Variants in FMN1 observed in about 807,000 individuals in gnomAD.
The protein encoded by FMN1 is formin-1.
Under a neutral mutation model 132.4 loss-of-function variants are expected in FMN1, and 110 were observed. The ratio of observed to expected loss-of-function variants is 0.83; its 90% confidence interval spans 0.71 to 0.97. FMN1 has a LOEUF of 0.97. Among genes scored for constraint, FMN1 ranks in the 50% least tolerant of loss-of-function variants. The pLI is 0.00. For synonymous variants in FMN1, 722 were observed against 651.7 expected, an observed-to-expected ratio of 1.11 and a Z score of -1.64; for missense variants, 1,792 against 1,705.3, an observed-to-expected ratio of 1.05 and a Z score of -0.90.
intron 6 of FMN1, among the ~76,000 whole-genome samples, chr15:33,028,950 A>C (rs2035807926): frequency 6.6e-6 from 1 of 152,224 alleles, no homozygotes; most frequent in South Asian, 2.1e-4. Context: ...AAAACAGATA[A>C]ATTTGCCACC....
At chr15:32,828,517 T>TC (rs1169055417) in intron 17 of FMN1, among the ~76,000 whole-genome samples, 1 of 152,058 alleles carries the variant, frequency 6.6e-6, no homozygotes, top group South Asian at 2.1e-4. Context: ...TTTTTTTTTT[T>TC]CTCACTGGGT....
chr15:33,152,892 C>T (rs866109425), intron 4 of FMN1, among the ~76,000 whole-genome samples, 156 bp downstream of exon 4: 44 of 152,038 alleles, frequency 2.9e-4, no homozygotes, highest in African/African-American at 9.4e-4. Flanking sequence ...CTCCACACCC[C>T]GCTGTTCCAC....
At chr15:32,893,256 A>G (rs565490924) in intron 15 of FMN1, among the ~76,000 whole-genome samples, 1 of 152,364 alleles carries the variant, frequency 6.6e-6, no homozygotes, top group South Asian at 2.1e-4. Context: ...AGATGGAACA[A>G]CATCTAAGAT....
intron 6 of FMN1, among the ~76,000 whole-genome samples, chr15:33,048,818 T>C (rs1229458174): frequency 6.6e-6 from 1 of 151,910 alleles, no homozygotes; most frequent in Non-Finnish European, 1.5e-5. Flanking sequence ...AGACTTACTA[T>C]TATGAGAAGA....
intron 3 of FMN1, among the ~76,000 whole-genome samples, chr15:33,162,109 C>T (rs908896391): frequency 6.6e-5 from 10 of 152,000 alleles, no homozygotes; most frequent in Admixed American, 1.3e-4. Flanking sequence ...GCTTCTGGGC[C>T]CAGGCAATTC....
chr15:33,008,819 T>C (rs186892630), intron 6 of FMN1, among the ~76,000 whole-genome samples: 2 of 152,298 alleles, frequency 1.3e-5, no homozygotes, highest in East Asian at 1.9e-4. Context: ...CATGGAACTA[T>C]ACAGGCTGCA....
At chr15:33,101,988 C>T (rs1595473517) in intron 4 of FMN1, among the ~76,000 whole-genome samples, 2 of 152,156 alleles carry the variant, frequency 1.3e-5, no homozygotes, top group East Asian at 3.8e-4. Context: ...AAGACAAGTG[C>T]TACCCATCCT....
chr15:32,769,715 C>T lies in FMN1; in HGVS notation c.*4595G>A, dbSNP rs1258726. On this transcript the variant is annotated 3_prime_UTR_variant, in exon 21 of 21. Transcript: ENST00000616417. The stretch of plus-strand genomic sequence containing the variant: ...AAAATTATCCACTCTTTTCAAATCC[C>T]ATCAGCTTGGCCACACAGACTGGTT... 0.71 allele frequency: 108,254 copies of T among 152,140 alleles called. 39,856 individuals carry two copies. Among genetic ancestry groups the T allele is most frequent in the Non-Finnish European group, 0.8 (54,348 of 68,002 alleles). 9.4% of individuals were successfully genotyped at this position (152,140 alleles called of 1,614,324 possible).
intron 4 of FMN1, among the ~76,000 whole-genome samples, chr15:33,136,558 A>T (rs1214229035): frequency 6.6e-6 from 1 of 152,110 alleles, no homozygotes; most frequent in Non-Finnish European, 1.5e-5. Flanking sequence ...TGTTTTAGTT[A>T]TTTCCTCCTA....
intron 2 of FMN1, among the ~76,000 whole-genome samples, chr15:33,192,430 G>C (rs1392925881): frequency 6.6e-6 from 1 of 152,208 alleles, no homozygotes; most frequent in Non-Finnish European, 1.5e-5. Context: ...GGTCTAGGCA[G>C]GGTTAAGCCT....
chr15:33,019,458 C>T (rs1481310663), intron 6 of FMN1, among the ~76,000 whole-genome samples: 1 of 152,252 alleles, frequency 6.6e-6, no homozygotes, highest in Admixed American at 6.5e-5. Flanking sequence ...GCAGGTGGAG[C>T]TGCCTGCCAG....
rs144062481 is a variant in FMN1, at chr15:32,789,309, C to T, written c.4130+9495G>A. 5.6e-3 allele frequency among the ~76,000 whole-genome samples: 849 copies of T among 152,244 alleles called. 3 individuals are homozygous for T. Among genetic ancestry groups the T allele is most frequent in the Non-Finnish European group, 8.5e-3 (575 of 68,016 alleles). On this transcript the variant is annotated intron_variant, in intron 19 of 20. Transcript: ENST00000616417. ...GTAAACCCCCAAAATTCTGGAGATA[C>T]GATAGCTCACACAGATTGGAGAAAG...
chr15:32,913,870 G>A (rs1459436954), intron 10 of FMN1, among the ~76,000 whole-genome samples: 1 of 152,178 alleles, frequency 6.6e-6, no homozygotes, highest in African/African-American at 2.4e-5. Context: ...CCTGAAGACT[G>A]AGTCCTGCTG....
rs73372956 is a variant in FMN1, at chr15:32,965,756, C to T, written c.2988-1499G>A. ...CTTTTTATTTTTTAAATTATGATTT[C>T]GCCAATAGTTGAACCATGTAATAGT... is the stretch of plus-strand genomic sequence containing the variant. On this transcript the variant is annotated intron_variant, in intron 8 of 20. Transcript: ENST00000616417. Among the ~76,000 whole-genome samples, 365 of 152,170 alleles carry T rather than the reference C, an allele frequency of 2.4e-3. 2 individuals carry two copies. The highest frequency in any genetic ancestry group is 8.2e-3 in the African/African-American group (341 of 41,518).
chr15:32,834,415 C>A (rs1007124202), intron 17 of FMN1, among the ~76,000 whole-genome samples: 1 of 152,170 alleles, frequency 6.6e-6, no homozygotes, highest in African/African-American at 2.4e-5. Flanking sequence ...TGTTTCCACC[C>A]TACGTTAGCT....
intron 9 of FMN1, among the ~76,000 whole-genome samples, chr15:32,956,613 A>C (rs888988227): frequency 6.6e-6 from 1 of 152,142 alleles, no homozygotes; most frequent in Non-Finnish European, 1.5e-5. Flanking sequence ...TATTAGTACA[A>C]TCAACACATG....
intron 7 of FMN1, among the ~76,000 whole-genome samples, chr15:32,973,174 G>A (rs1430199586): frequency 6.6e-6 from 1 of 152,126 alleles, no homozygotes; most frequent in African/African-American, 2.4e-5. Flanking sequence ...TCAATAATTA[G>A]CTTTACTTGC....
intron 17 of FMN1, among the ~76,000 whole-genome samples, chr15:32,856,004 T>C (rs2059123375): frequency 6.6e-6 from 1 of 152,194 alleles, no homozygotes; most frequent in Non-Finnish European, 1.5e-5. Context: ...CCTACTTCAA[T>C]ACAGACAACC....
intron 19 of FMN1, among the ~76,000 whole-genome samples, chr15:32,785,467 T>C (rs1195058802): frequency 3.3e-5 from 5 of 151,842 alleles, no homozygotes; most frequent in African/African-American, 1.2e-4. Context: ...CTCTAACCTA[T>C]GGAATTAATT....
Sources: allele counts gnomAD v4.1 joint callset (sites outside exome capture counted in the v4.1 genomes callset), GRCh38; gene constraint gnomAD v4.1.1; transcripts MANE v1.5; gene names NCBI Gene and HGNC (gene_info 2026-07-23, HGNC 2026-07-21).